SUSD1: variants seen among roughly 807,000 people sequenced by gnomAD.
The protein encoded by SUSD1 is sushi domain-containing protein 1.
SUSD1 carries 65 observed loss-of-function variants against 86.9 expected under a neutral mutation model. The observed-to-expected ratio is 0.75, with a 90% CI of 0.61 to 0.92. SUSD1 has a LOEUF of 0.92. Among genes scored for constraint, SUSD1 ranks in the 40% least tolerant of loss-of-function variants. The probability of loss-of-function intolerance (pLI) is 0.00; values close to 1 mark genes in which losing one functional copy is unlikely to be tolerated. For synonymous variants in SUSD1, 346 were observed against 350.0 expected (o/e 0.99, Z 0.13); for missense variants, 850 against 929.7 (o/e 0.91, Z 1.11).
intron 15 of SUSD1, among the ~76,000 whole-genome samples, chr9:112,042,827 G>C (rs1051487443): frequency 6.6e-6 from 1 of 152,166 alleles, no homozygotes; most frequent in Admixed American, 6.5e-5. Flanking sequence ...TTACAGCCAG[G>C]TTAAGAGGAG....
intron 12 of SUSD1, among the ~76,000 whole-genome samples, chr9:112,068,609 G>A (rs1337907697): frequency 6.6e-6 from 1 of 151,912 alleles, no homozygotes; most frequent in Non-Finnish European, 1.5e-5. Context: ...GGCCAAGGTG[G>A]GAGGATTGCT....
intron 1 of SUSD1, among the ~76,000 whole-genome samples, chr9:112,173,246 C>T (rs1465918304): frequency 6.6e-6 from 1 of 152,126 alleles, no homozygotes; most frequent in Non-Finnish European, 1.5e-5. Flanking sequence ...TTGAAATACC[C>T]ATCAGGCATG....
chr9:112,069,524 T>C (rs970938527), intron 12 of SUSD1, among the ~76,000 whole-genome samples: 1 of 152,176 alleles, frequency 6.6e-6, no homozygotes, highest in African/African-American at 2.4e-5. Context: ...CCCTTTGAGA[T>C]CGAACTGCCC....
intron 5 of SUSD1, among the ~76,000 whole-genome samples, chr9:112,138,241 A>G (rs1353284105): frequency 2.7e-5 from 3 of 110,136 alleles, no homozygotes; most frequent in African/African-American, 8.0e-5. Flanking sequence ...AAATGTGTAT[A>G]TATATATATA....
intron 9 of SUSD1, among the ~76,000 whole-genome samples, chr9:112,100,103 T>C (rs975705585): frequency 2.0e-4 from 30 of 152,252 alleles, no homozygotes; most frequent in African/African-American, 4.8e-4. Context: ...CTATTTTCTT[T>C]AGCAAACCGC....
At chr9:112,139,213 C>T (rs1033299854) in intron 5 of SUSD1, among the ~76,000 whole-genome samples, 1 of 152,066 alleles carries the variant, frequency 6.6e-6, no homozygotes, top group Admixed American at 6.6e-5. Flanking sequence ...GAAATTTTTA[C>T]ATTCTTTTTT....
chr9:112,058,777 A>T, intron 13 of SUSD1, 91 bp from the exon 14 acceptor site: 23 of 1,493,782 alleles, frequency 1.5e-5, no homozygotes, highest in Admixed American at 4.4e-5. Context: ...TATGAGACAA[A>T]CCTCTTTCTT....
At chr9:112,156,577 A>C (rs534051934) in intron 2 of SUSD1, among the ~76,000 whole-genome samples, 1 of 151,776 alleles carries the variant, frequency 6.6e-6, no homozygotes, top group African/African-American at 2.4e-5. Flanking sequence ...TGGCTAATTT[A>C]AAAAAAACTT....
At chr9:112,079,065 G>A (rs191830541) in intron 11 of SUSD1, among the ~76,000 whole-genome samples, 2 of 151,832 alleles carry the variant, frequency 1.3e-5, no homozygotes, top group Admixed American at 6.6e-5. Context: ...CTGCCACCTC[G>A]AATCCCAAAG....
At chr9:112,105,377 A>G (rs1030717140) in intron 8 of SUSD1, among the ~76,000 whole-genome samples, 9 of 152,178 alleles carry the variant, frequency 5.9e-5, no homozygotes, top group African/African-American at 2.2e-4. Flanking sequence ...AGATGTAATA[A>G]AAGAAAATGT....
chr9:112,123,945 C>T (rs1179775819), intron 6 of SUSD1, among the ~76,000 whole-genome samples: 2 of 152,082 alleles, frequency 1.3e-5, no homozygotes, highest in Non-Finnish European at 2.9e-5. Flanking sequence ...AAGTTAGGAG[C>T]ATGCCCCTCT....
chr9:112,160,378 T>C (rs573813140), intron 1 of SUSD1, among the ~76,000 whole-genome samples: 2 of 152,018 alleles, frequency 1.3e-5, no homozygotes, highest in Admixed American at 6.6e-5. Flanking sequence ...ACCCCATCTC[T>C]CCTAAAAATA....
intron 10 of SUSD1, among the ~76,000 whole-genome samples, chr9:112,096,552 C>G (rs1412921664): frequency 6.6e-6 from 1 of 152,102 alleles, no homozygotes; most frequent in Admixed American, 6.6e-5. Context: ...ATTCTTATTT[C>G]TTTATCTGAG....
chr9:112,140,752 A>G (rs371734109), intron 5 of SUSD1, among the ~76,000 whole-genome samples: 1 of 152,348 alleles, frequency 6.6e-6, no homozygotes, highest in East Asian at 1.9e-4. Context: ...ATCTGCATAC[A>G]TTTTGAGAAA....
intron 6 of SUSD1, among the ~76,000 whole-genome samples, chr9:112,121,617 G>A (rs1466054704): frequency 6.6e-6 from 1 of 152,086 alleles, no homozygotes. Flanking sequence ...AATCCCCAGG[G>A]GCCTACATGT....
At chr9:112,095,370 C>T (rs886729824) in intron 10 of SUSD1, among the ~76,000 whole-genome samples, 4 of 152,196 alleles carry the variant, frequency 2.6e-5, no homozygotes, top group African/African-American at 7.2e-5. Context: ...AGAACGTTCT[C>T]AGAGGGACCT....
At position 112,138,735 on chromosome 9, in the gene SUSD1, A is replaced by G. The variant is rs899258575; in HGVS notation, c.706+3585T>C. On this transcript the variant is annotated intron_variant, in intron 5 of 16. Coordinates refer to ENST00000374270, the MANE Select transcript of SUSD1 (RefSeq NM_022486.5). ...AGTGCTGAGATTACAGGTGTGAGCC[A>G]CTGTGCCTGGCCTGCAATAAATATT... Among the ~76,000 whole-genome samples, 12 of 152,320 alleles carry G rather than the reference A, an allele frequency of 7.9e-5. No individual in the cohort carries two copies. The East Asian group carries it at 2.3e-3, about 29-fold the overall frequency.
chr9:112,063,624 CCCAGCAACAAGATTTCCCAAATAGGTTTT>C (rs1420679615), intron 12 of SUSD1, among the ~76,000 whole-genome samples: 1 of 152,112 alleles, frequency 6.6e-6, no homozygotes, highest in Admixed American at 6.6e-5. Context: ...TTTTCCCGCC[CCCAGCAACAAGATTTCCCAAATAGGTTTT>C]CCATCCGGAG....
chr9:112,058,308 C>T, intron 14 of SUSD1, 120 bp downstream of exon 14: 3 of 1,298,984 alleles, frequency 2.3e-6, no homozygotes, highest in Non-Finnish European at 3.1e-6. Context: ...TATTCACAAA[C>T]ATTTTGTGAT....
Sources: allele counts gnomAD v4.1 joint callset (sites outside exome capture counted in the v4.1 genomes callset), GRCh38; gene constraint gnomAD v4.1.1; transcripts MANE v1.5; gene names NCBI Gene and HGNC (gene_info 2026-07-23, HGNC 2026-07-21).